The following PDLIM1 variants were observed in gnomAD, a reference collection of about 807,000 sequenced individuals.
PDLIM1 encodes the protein PDZ and LIM domain protein 1.
A neutral mutation model predicts 35.2 loss-of-function variants in PDLIM1; 25 were observed. The ratio of observed to expected loss-of-function variants is 0.71; its 90% confidence interval spans 0.52 to 0.99. The LOEUF is 0.99. Ranked by LOEUF, PDLIM1 falls within the 50% of genes least tolerant of loss-of-function variation. The pLI, the probability that PDLIM1 is intolerant of heterozygous loss-of-function variation, is 0.00. For synonymous variants in PDLIM1, 152 were observed against 154.0 expected, an observed-to-expected ratio of 0.99 and a Z score of 0.10; for missense variants, 363 against 415.3, an observed-to-expected ratio of 0.87 and a Z score of 1.09.
intron 4 of PDLIM1, among the ~76,000 whole-genome samples, chr10:95,263,286 A>G (rs2035382545): frequency 6.6e-6 from 1 of 152,060 alleles, no homozygotes; most frequent in African/African-American, 2.4e-5. Flanking sequence ...CCCCCAGTTA[A>G]GCCTGCCTCT....
intron 5 of PDLIM1, among the ~76,000 whole-genome samples, chr10:95,241,239 CATTT>C (rs1184552069): frequency 6.6e-6 from 1 of 152,194 alleles, no homozygotes; most frequent in African/African-American, 2.4e-5. Flanking sequence ...ACACAATGGA[CATTT>C]ATTAATTGTT....
intron 1 of PDLIM1, among the ~76,000 whole-genome samples, chr10:95,282,498 T>C (rs1447993453): frequency 2.0e-5 from 3 of 152,256 alleles, no homozygotes; most frequent in African/African-American, 7.2e-5. Context: ...CTTCACACTA[T>C]GCATGGTGCA....
intron 3 of PDLIM1, among the ~76,000 whole-genome samples, chr10:95,267,393 T>G (rs1330226886): frequency 6.6e-6 from 1 of 152,192 alleles, no homozygotes; most frequent in Non-Finnish European, 1.5e-5. Flanking sequence ...TATGGTAAAT[T>G]TAATGAAGTA....
At chr10:95,251,348 G>A (rs1475397592) in intron 4 of PDLIM1, among the ~76,000 whole-genome samples, 3 of 151,932 alleles carry the variant, frequency 2.0e-5, no homozygotes, top group Non-Finnish European at 4.4e-5. Flanking sequence ...CGAAGCAGGT[G>A]AATTGCCTGA....
rs2035141718 is a variant in PDLIM1 at position 95,238,049 on chromosome 10, C to T, written c.866G>A (p.Cys289Tyr). The T allele has an allele frequency of 6.2e-7, 1 of 1,614,018 alleles. No individual in the cohort carries two copies. Among genetic ancestry groups the T allele is most frequent in the African/African-American group, 1.3e-5 (1 of 74,930 alleles). Reference sequence around the variant, plus strand: ...GCCCTTCTGTTTCAGGTTGGTGCCACAGTCAGTGCACACATAACACTCAGG... The same window carrying T: ...GCCCTTCTGTTTCAGGTTGGTGCCATAGTCAGTGCACACATAACACTCAGG... ...RHPECYVCTD[C>Y]GTNLKQKGHF... Residue 289 changes from cysteine (C) to tyrosine (Y), a missense_variant, in exon 7 of 7, where the codon TGT becomes TAT. Cys to Tyr is a radical substitution (Grantham distance 194). Coordinates refer to ENST00000329399, the MANE Select transcript of PDLIM1 (RefSeq NM_020992.4).
In PDLIM1 at chr10:95,243,310, G is replaced by T. The variant is rs45527932; in HGVS notation, c.685+3905C>A. Among the ~76,000 whole-genome samples, 424 of 152,222 alleles carry T rather than the reference G, an allele frequency of 2.8e-3. 2 individuals carry two copies. Among genetic ancestry groups the T allele is most frequent in the African/African-American group, 9.7e-3 (402 of 41,522 alleles). On this transcript the variant is annotated intron_variant, in intron 5 of 6. Coordinates refer to ENST00000329399, the MANE Select transcript of PDLIM1 (RefSeq NM_020992.4). ...CCTTTCTTCTCAACTAGCTTATAGT[G>T]AAAATACTAGCTTCCTTTGAACTCC...
At chr10:95,247,573 T>G (rs2035233425) in intron 4 of PDLIM1, 1 of 464,970 alleles carries the variant, frequency 2.2e-6, no homozygotes, top group South Asian at 4.8e-5. Context: ...TTCAATGCAA[T>G]CAGAGGCTCT....
intron 1 of PDLIM1, among the ~76,000 whole-genome samples, chr10:95,282,200 T>G (rs12098317): frequency 0.014 from 2,106 of 152,324 alleles, 46 homozygotes; most frequent in African/African-American, 0.045. Flanking sequence ...ATTTAACAGA[T>G]TCTAAACTGG....
chr10:95,281,296 G>A (rs891709729), intron 1 of PDLIM1, among the ~76,000 whole-genome samples: 36 of 151,474 alleles, frequency 2.4e-4, no homozygotes, highest in African/African-American at 8.2e-4. Flanking sequence ...AAAAAAAATA[G>A]GCCAGGCAGG....
intron 2 of PDLIM1, among the ~76,000 whole-genome samples, chr10:95,269,188 A>AGAAT (rs1400388262): frequency 6.6e-6 from 1 of 152,246 alleles, no homozygotes; most frequent in African/African-American, 2.4e-5. Context: ...TGCTCAGGAT[A>AGAAT]GAATGGGCTT....
At chr10:95,277,073 G>A (rs1362701889) in intron 1 of PDLIM1, among the ~76,000 whole-genome samples, 1 of 151,886 alleles carries the variant, frequency 6.6e-6, no homozygotes, top group Admixed American at 6.6e-5. Context: ...AAATTTGCCA[G>A]GTGTGGTGGC....
At chr10:95,255,004 T>C (rs2035297858) in intron 4 of PDLIM1, among the ~76,000 whole-genome samples, 2 of 152,078 alleles carry the variant, frequency 1.3e-5, no homozygotes, top group African/African-American at 2.4e-5. Context: ...CAGACTACTA[T>C]GAACAATTAT....
intron 4 of PDLIM1, among the ~76,000 whole-genome samples, chr10:95,251,313 G>A (rs1431461243): frequency 2.6e-5 from 4 of 151,786 alleles, no homozygotes; most frequent in African/African-American, 4.8e-5. Flanking sequence ...TAGGCCAGGT[G>A]CGGTGGCTCA....
At chr10:95,276,930 G>A (rs1237418027) in intron 1 of PDLIM1, among the ~76,000 whole-genome samples, 1 of 135,792 alleles carries the variant, frequency 7.4e-6, no homozygotes, top group Non-Finnish European at 1.6e-5. Flanking sequence ...AAAAACTTCT[G>A]GGCCAGGCAT....
At chr10:95,249,366 G>A (rs2035248853) in intron 4 of PDLIM1, among the ~76,000 whole-genome samples, 1 of 152,230 alleles carries the variant, frequency 6.6e-6, no homozygotes, top group Non-Finnish European at 1.5e-5. Context: ...TGGAACCAAA[G>A]AGCAAATATC....
intron 1 of PDLIM1, among the ~76,000 whole-genome samples, chr10:95,280,317 A>G (rs184136197): frequency 1.3e-5 from 2 of 152,120 alleles, no homozygotes; most frequent in Non-Finnish European, 2.9e-5. Flanking sequence ...AGAGGTTGCA[A>G]TGAGCCAAGA....
At chr10:95,288,984 T>G (rs1431179847) in intron 1 of PDLIM1, among the ~76,000 whole-genome samples, 2 of 152,206 alleles carry the variant, frequency 1.3e-5, no homozygotes, top group African/African-American at 4.8e-5. Context: ...TGAGTGAATA[T>G]ATGAAGGTAA....
At chr10:95,252,693 A>T (rs2035277048) in intron 4 of PDLIM1, among the ~76,000 whole-genome samples, 1 of 152,234 alleles carries the variant, frequency 6.6e-6, no homozygotes, top group South Asian at 2.1e-4. Flanking sequence ...CAAACAGAAG[A>T]TATAAAGAAT....
chr10:95,245,177 T>C (rs1278547929), intron 5 of PDLIM1, among the ~76,000 whole-genome samples: 1 of 152,142 alleles, frequency 6.6e-6, no homozygotes, highest in East Asian at 1.9e-4. Context: ...TTTAACTAGG[T>C]GTAGCCAGGT....
Sources: gnomAD v4.1 joint callset for allele counts (sites outside exome capture counted in the v4.1 genomes callset) on GRCh38, gnomAD v4.1.1 for gene constraint, MANE v1.5 for transcripts, NCBI Gene and HGNC (gene_info 2026-07-23, HGNC 2026-07-21) for gene names.